IYD: variants seen among roughly 807,000 people sequenced by gnomAD.
The protein encoded by IYD is iodotyrosine deiodinase 1.
IYD carries 25 observed loss-of-function variants against 28.4 expected under a neutral mutation model. The ratio of observed to expected loss-of-function variants is 0.88; its 90% CI spans 0.64 to 1.23. The LOEUF is 1.23. Among genes scored for constraint, IYD ranks in the 50% most tolerant of loss-of-function variants. The probability of loss-of-function intolerance (pLI) is 0.00; values close to 1 mark genes in which losing one functional copy is unlikely to be tolerated. For missense variants in IYD, 352 were observed against 357.9 expected (o/e 0.98, Z 0.13); for synonymous variants, 140 against 130.8 (o/e 1.07, Z -0.48).
At chr6:150,392,674 C>T (rs1450319112) in intron 3 of IYD, among the ~76,000 whole-genome samples, 170 bp downstream of exon 3, 1 of 152,090 alleles carries the variant, frequency 6.6e-6, no homozygotes, top group Non-Finnish European at 1.5e-5. Flanking sequence ...GCCATGTGAG[C>T]GTTTGGTAAA....
intron 2 of IYD, among the ~76,000 whole-genome samples, chr6:150,390,110 G>A (rs1164990378): frequency 6.6e-6 from 1 of 152,114 alleles, no homozygotes; most frequent in Non-Finnish European, 1.5e-5. Flanking sequence ...AAATGGGGAG[G>A]AGAAATAAGA....
chr6:150,393,068 G>A (rs569596372), intron 3 of IYD, among the ~76,000 whole-genome samples: 31 of 152,224 alleles, frequency 2.0e-4, no homozygotes, highest in Non-Finnish European at 4.0e-4. Context: ...CAGTGAGTCA[G>A]GAAAGTGGAT....
chr6:150,388,630 G>GCTTTCTTTCTTTCTTCCTTT (rs1554231469), intron 1 of IYD, among the ~76,000 whole-genome samples: 12 of 129,364 alleles, frequency 9.3e-5, no homozygotes, highest in Non-Finnish European at 1.7e-4. Flanking sequence ...TGGAGTTTTT[G>GCTTTCTTTCTTTCTTCCTTT]CTTTCTTTCT....
intron 4 of IYD, among the ~76,000 whole-genome samples, chr6:150,397,469 C>T (rs1778362045): frequency 6.7e-6 from 1 of 150,256 alleles, no homozygotes; most frequent in Non-Finnish European, 1.5e-5. Flanking sequence ...ACTTAGCAGA[C>T]TGAGGTGGGA....
At chr6:150,392,640 T>G in intron 3 of IYD, 136 bp downstream of exon 3, 1 of 891,102 alleles carries the variant, frequency 1.1e-6, no homozygotes, top group East Asian at 2.6e-5. Context: ...TTACGGAAGT[T>G]AAGTCCGGGC....
intron 1 of IYD, among the ~76,000 whole-genome samples, chr6:150,371,801 A>G (rs1777250083): frequency 6.6e-6 from 1 of 152,140 alleles, no homozygotes; most frequent in Admixed American, 6.5e-5. Context: ...GGCCTACCTC[A>G]TTGTATTGTC....
At chr6:150,393,660 A>C (rs1465794575) in intron 3 of IYD, among the ~76,000 whole-genome samples, 1 of 152,218 alleles carries the variant, frequency 6.6e-6, no homozygotes, top group Non-Finnish European at 1.5e-5. Flanking sequence ...TGAGCTGGAA[A>C]ACAAAAATTC....
intron 1 of IYD, among the ~76,000 whole-genome samples, chr6:150,386,911 T>C (rs1299850916): frequency 3.3e-5 from 5 of 152,192 alleles, no homozygotes; most frequent in Non-Finnish European, 5.9e-5. Flanking sequence ...CATTGGCCTT[T>C]ATCGGGAACA....
rs1489435959 is a variant in IYD, at chr6:150,394,162, A to G, written c.594A>G (p.Val198=). The stretch of plus-strand genomic sequence containing the variant: ...TTTTGATTCTCATTTTCAAACAAGT[A>G]CATGGTTTCGCCGCAAATGGCAAGA... The part of the protein sequence containing the change: ...APILILIFKQ[V]HGFAANGKKK... Residue 198 remains valine (V), a synonymous_variant, in exon 4 of 5, where the codon GTA becomes GTG. Coordinates refer to ENST00000344419, the MANE Select transcript of IYD (RefSeq NM_203395.3). 1.2e-6 allele frequency: 2 copies of G among 1,614,202 alleles called. No individual in the cohort carries two copies. Among genetic ancestry groups the G allele is most frequent in the South Asian group, 1.1e-5 (1 of 91,090 alleles).
rs1778562706 is a variant in IYD at position 150,403,398 on chromosome 6, T to A, written c.*5161T>A. 6.6e-6 allele frequency: 1 copy of A among 152,188 alleles called. No homozygotes were observed. The highest frequency in any genetic ancestry group is 1.5e-5 in the Non-Finnish European group (1 of 68,046). The allele number at this position is 152,188 out of a possible 1,614,324, so 9.4% of individuals were successfully genotyped here. The stretch of plus-strand genomic sequence containing the variant: ...AGCTCTGCTGCTACTGTGCCTCCCT[T>A]CTCCTGCCCCACTCAGCCCACAAAA... On this transcript the variant is annotated 3_prime_UTR_variant, in exon 5 of 5. Transcript: ENST00000344419.
chr6:150,392,514 G>A lies in IYD; in HGVS notation c.530+10G>A, dbSNP rs377235124. 3 of 1,613,636 alleles carry A rather than the reference G, an allele frequency of 1.9e-6. No homozygotes were observed. The highest frequency in any genetic ancestry group is 2.5e-6 in the Non-Finnish European group (3 of 1,179,744). The stretch of plus-strand genomic sequence containing the variant: ...ACCTCAAGAAACTGAGGTACAAACA[G>A]TGGTGGAACTGGGGATGTTTGCCTT... On this transcript the variant is annotated intron_variant, in intron 3 of 4. Transcript: ENST00000344419.
chr6:150,386,513 G>A (rs1352178494), intron 1 of IYD, among the ~76,000 whole-genome samples: 1 of 151,882 alleles, frequency 6.6e-6, no homozygotes, highest in Non-Finnish European at 1.5e-5. Context: ...GTTTGGTGCA[G>A]TGTCCTATGT....
At chr6:150,379,849 T>C (rs1470477479) in intron 1 of IYD, among the ~76,000 whole-genome samples, 1 of 152,198 alleles carries the variant, frequency 6.6e-6, no homozygotes, top group Admixed American at 6.5e-5. Flanking sequence ...TCATTACTCC[T>C]ACACCTCCCA....
chr6:150,390,830 G>A (rs1432191062), intron 2 of IYD, among the ~76,000 whole-genome samples: 1 of 152,144 alleles, frequency 6.6e-6, no homozygotes, highest in Non-Finnish European at 1.5e-5. Flanking sequence ...ATGATGCACT[G>A]CGAAGCTTTG....
At chr6:150,382,291 G>A (rs1046482255) in intron 1 of IYD, among the ~76,000 whole-genome samples, 1 of 152,072 alleles carries the variant, frequency 6.6e-6, no homozygotes, top group South Asian at 2.1e-4. Flanking sequence ...AGCTTGCATT[G>A]CAGCTTGGCT....
intron 1 of IYD, among the ~76,000 whole-genome samples, chr6:150,372,479 GTCC>G (rs1187511462): frequency 5.7e-5 from 3 of 52,580 alleles, no homozygotes; most frequent in African/African-American, 1.6e-4. Context: ...AACATTGTGT[GTCC>G]ATGCTTATTA....
intron 2 of IYD, among the ~76,000 whole-genome samples, chr6:150,391,110 G>T (rs1778101652): frequency 6.6e-6 from 1 of 151,780 alleles, no homozygotes; most frequent in African/African-American, 2.4e-5. Flanking sequence ...GGTGGCAGGT[G>T]CCTGTAGTCC....
rs956750157 is a variant in IYD at position 150,403,734 on chromosome 6, G to A, written c.*5497G>A. Reference sequence around the variant, plus strand: ...GAAATTCCTAAAAAGTCATGAGGCAGGGGATTGGTTTATGTTATTATCATG... The same window carrying A: ...GAAATTCCTAAAAAGTCATGAGGCAAGGGATTGGTTTATGTTATTATCATG... On this transcript the variant is annotated 3_prime_UTR_variant, in exon 5 of 5. Coordinates refer to ENST00000344419, the MANE Select transcript of IYD (RefSeq NM_203395.3). The A allele has an allele frequency of 1.3e-5, 2 of 152,252 alleles. No homozygotes were observed. Among genetic ancestry groups the A allele is most frequent in the African/African-American group, 2.4e-5 (1 of 41,466 alleles). The allele number at this position is 152,252 out of a possible 1,614,324, so 9.4% of individuals were successfully genotyped here. A position where few individuals can be genotyped will look rare whatever the true frequency, so the allele number is the denominator to read the frequency against.
At chr6:150,393,950 T>G in intron 3 of IYD, 149 bp from the exon 4 acceptor site, 1 of 773,922 alleles carries the variant, frequency 1.3e-6, no homozygotes, top group Non-Finnish European at 2.0e-6. Context: ...AAAAGTGGAA[T>G]GAGACAAAAA....
Sources: allele counts gnomAD v4.1 joint callset (sites outside exome capture counted in the v4.1 genomes callset), GRCh38; gene constraint gnomAD v4.1.1; transcripts MANE v1.5; gene names NCBI Gene and HGNC (gene_info 2026-07-23, HGNC 2026-07-21).